CDH12: variants seen among roughly 807,000 people sequenced by gnomAD.
CDH12 encodes cadherin-12.
Under a neutral mutation model 74.1 loss-of-function variants are expected in CDH12, and 41 were observed. The observed-to-expected ratio is 0.55, with a 90% CI of 0.43 to 0.72. The LOEUF (loss-of-function observed/expected upper bound fraction) is 0.72. CDH12 is among the 30% of genes least tolerant of loss of function. The pLI is 0.00. For synonymous variants in CDH12, 399 were observed against 355.0 expected, an observed-to-expected ratio of 1.12 and a Z score of -1.39; for missense variants, 945 against 977.2, an observed-to-expected ratio of 0.97 and a Z score of 0.44.
intron 3 of CDH12, among the ~76,000 whole-genome samples, chr5:22,268,074 C>T (rs965126989): frequency 3.9e-5 from 6 of 151,988 alleles, no homozygotes; most frequent in African/African-American, 1.2e-4. Flanking sequence ...TTAAAATATA[C>T]ATGGCAGGCT....
chr5:22,205,088 G>T (rs1751147654), intron 4 of CDH12, among the ~76,000 whole-genome samples: 1 of 152,196 alleles, frequency 6.6e-6, no homozygotes, highest in Non-Finnish European at 1.5e-5. Flanking sequence ...AAATGTCAAT[G>T]AACAAATATG....
intron 2 of CDH12, among the ~76,000 whole-genome samples, chr5:22,417,592 G>T (rs1042512050): frequency 1.3e-5 from 2 of 152,160 alleles, no homozygotes; most frequent in Non-Finnish European, 2.9e-5. Context: ...CAAATATCTA[G>T]TCTCAAGTAT....
chr5:22,427,874 TA>T (rs921579535), intron 2 of CDH12, among the ~76,000 whole-genome samples: 6 of 151,652 alleles, frequency 4.0e-5, no homozygotes, highest in African/African-American at 1.5e-4. Flanking sequence ...TAGGCACTCC[TA>T]GCTTCACCCA....
intron 1 of CDH12, among the ~76,000 whole-genome samples, chr5:22,815,211 GA>G (rs988506761): frequency 8.0e-5 from 12 of 150,890 alleles, no homozygotes; most frequent in South Asian, 2.1e-4. Context: ...GTTGCACAAA[GA>G]AAAAAAAATG....
chr5:22,053,062 CG>C (rs964101950), intron 5 of CDH12, among the ~76,000 whole-genome samples: 13 of 149,328 alleles, frequency 8.7e-5, no homozygotes, highest in East Asian at 5.9e-4. Flanking sequence ...GAGGGTCTCT[CG>C]TTTTTTTTGT....
intron 3 of CDH12, among the ~76,000 whole-genome samples, chr5:22,315,118 G>GTTTTTTTTTTTTTTT (rs1344184080): frequency 2.1e-4 from 2 of 9,398 alleles, no homozygotes; most frequent in Admixed American, 2.5e-3. Context: ...TGCCTGCCTG[G>GTTTTTTTTTTTTTTT]CTTTTTTTTT....
intron 6 of CDH12, among the ~76,000 whole-genome samples, chr5:21,861,908 G>GTT (rs1404254581): frequency 6.6e-6 from 1 of 151,394 alleles, no homozygotes; most frequent in Non-Finnish European, 1.5e-5. Flanking sequence ...TAGTGTGTGT[G>GTT]TGTGTGTGTG....
intron 1 of CDH12, among the ~76,000 whole-genome samples, chr5:22,825,129 A>C (rs182933130): frequency 6.6e-6 from 1 of 152,202 alleles, no homozygotes; most frequent in African/African-American, 2.4e-5. Context: ...CACAAAAGCT[A>C]TTATTAATGT....
intron 1 of CDH12, among the ~76,000 whole-genome samples, chr5:22,783,013 G>A (rs1747458086): frequency 6.6e-6 from 1 of 152,250 alleles, no homozygotes. Flanking sequence ...GCAAAGGGAT[G>A]TAGATCTAGG....
Position 22,648,115 on chromosome 5 carries a change from T to C in CDH12, c.-522-142751A>G, listed in dbSNP as rs142668760. ...TTATTTTACCTGCCAACCTTACATATATACAGAAGATAAATTTTGACAAAG... is the reference window on the plus strand; with the variant it reads ...TTATTTTACCTGCCAACCTTACATACATACAGAAGATAAATTTTGACAAAG... On this transcript the variant is annotated intron_variant, in intron 1 of 14. Coordinates refer to ENST00000382254, the MANE Select transcript of CDH12 (RefSeq NM_004061.5). 8.0e-3 allele frequency among the ~76,000 whole-genome samples: 1,218 copies of C among 151,944 alleles called. 12 individuals carry two copies. Among genetic ancestry groups the C allele is most frequent in the African/African-American group, 0.025 (1,058 of 41,518 alleles).
intron 1 of CDH12, among the ~76,000 whole-genome samples, chr5:22,787,815 CTT>C (rs1747713304): frequency 6.6e-6 from 1 of 152,084 alleles, no homozygotes; most frequent in South Asian, 2.1e-4. Flanking sequence ...AGTCATCAGT[CTT>C]TGTCTTAGGC....
At chr5:22,247,805 A>G (rs1753005569) in intron 3 of CDH12, among the ~76,000 whole-genome samples, 1 of 152,230 alleles carries the variant, frequency 6.6e-6, no homozygotes, top group Non-Finnish European at 1.5e-5. Flanking sequence ...TATAGAAATG[A>G]ATAGTTATAA....
intron 1 of CDH12, among the ~76,000 whole-genome samples, chr5:22,744,662 T>C (rs79063949): frequency 0.065 from 9,872 of 152,210 alleles, 368 homozygotes; most frequent in African/African-American, 0.098. Flanking sequence ...CTGTAGATTT[T>C]TGTTGTTTGT....
rs1228347638 is a variant in CDH12 at position 22,283,205 on chromosome 5, GATATATATATAGATATAT to G, written c.-332-70580_-332-70563del. On this transcript the variant is annotated intron_variant, in intron 3 of 14. Transcript: ENST00000382254. ...ATAATTCCTGGAGGAACATCTGTGA[GATATATATATAGATATAT>G]ATATATATATATATATATATATATA... 3.2e-3 allele frequency among the ~76,000 whole-genome samples: 343 copies of G among 107,980 alleles called. 1 individual carries two copies. Among genetic ancestry groups the G allele is most frequent in the African/African-American group, 6.1e-3 (172 of 28,160 alleles). The allele number at this position is 107,980 out of a possible 152,430, so 70.8% of individuals were successfully genotyped here.
chr5:22,295,942 C>A, intron 3 of CDH12, among the ~76,000 whole-genome samples: 1 of 151,938 alleles, frequency 6.6e-6, no homozygotes, highest in East Asian at 1.9e-4. Flanking sequence ...AAAATCGCAT[C>A]ATTTCTATAG....
intron 3 of CDH12, among the ~76,000 whole-genome samples, chr5:22,365,934 A>T (rs946752933): frequency 8.5e-5 from 13 of 152,188 alleles, no homozygotes; most frequent in African/African-American, 3.1e-4. Flanking sequence ...GACATGGAAA[A>T]ATTATACTCA....
chr5:21,842,850 G>A (rs775817779), intron 7 of CDH12, among the ~76,000 whole-genome samples: 8 of 151,962 alleles, frequency 5.3e-5, no homozygotes, highest in African/African-American at 9.7e-5. Flanking sequence ...CAGAATTCCC[G>A]TTAGTTATTT....
chr5:22,514,800 A>C (rs764225263), intron 1 of CDH12, among the ~76,000 whole-genome samples: 13 of 152,218 alleles, frequency 8.5e-5, no homozygotes, highest in Non-Finnish European at 1.0e-4. Flanking sequence ...GTTGAGTCTT[A>C]AATCACAAAA....
intron 5 of CDH12, among the ~76,000 whole-genome samples, chr5:22,027,267 A>G (rs1241596025): frequency 2.0e-5 from 3 of 152,092 alleles, no homozygotes; most frequent in African/African-American, 7.2e-5. Context: ...ATATTGGTCT[A>G]AAATTCTCTT....
Sources: allele counts gnomAD v4.1 joint callset (sites outside exome capture counted in the v4.1 genomes callset), GRCh38; gene constraint gnomAD v4.1.1; transcripts MANE v1.5; gene names NCBI Gene and HGNC (gene_info 2026-07-23, HGNC 2026-07-21).